SPOCK1: variants seen among roughly 807,000 people sequenced by gnomAD.
The protein encoded by SPOCK1 is testican-1.
SPOCK1 carries 23 observed loss-of-function variants against 55.3 expected under a neutral mutation model. That is an observed-to-expected ratio of 0.42 (90% CI 0.30 to 0.59). SPOCK1 has a LOEUF of 0.59. Ranked by LOEUF, SPOCK1 falls within the 20% of genes least tolerant of loss-of-function variation. The pLI is 0.22. For synonymous variants in SPOCK1, 226 were observed against 221.0 expected, an observed-to-expected ratio of 1.02 and a Z score of -0.20; for missense variants, 499 against 552.5, an observed-to-expected ratio of 0.90 and a Z score of 0.97.
intron 4 of SPOCK1, 117 bp downstream of exon 4, chr5:137,140,463 G>A: frequency 1.4e-6 from 1 of 729,206 alleles, no homozygotes; most frequent in South Asian, 2.0e-5. Context: ...CATACAAATG[G>A]CGACCCTAAC....
intron 2 of SPOCK1, among the ~76,000 whole-genome samples, chr5:137,331,571 T>C (rs1000201498): frequency 6.6e-6 from 1 of 152,224 alleles, no homozygotes; most frequent in Non-Finnish European, 1.5e-5. Context: ...CAGCTTCTGA[T>C]GAGCCCTCTG....
intron 2 of SPOCK1, among the ~76,000 whole-genome samples, chr5:137,372,639 G>C (rs980371556): frequency 6.6e-6 from 1 of 152,218 alleles, no homozygotes; most frequent in African/African-American, 2.4e-5. Context: ...AGGGTAAAGA[G>C]AGTGTTAAAG....
chr5:137,332,415 A>G (rs1212991770), intron 2 of SPOCK1, among the ~76,000 whole-genome samples: 1 of 151,970 alleles, frequency 6.6e-6, no homozygotes, highest in Non-Finnish European at 1.5e-5. Flanking sequence ...TGCTTCATCC[A>G]CCATCTGCGC....
chr5:137,005,351 A>G (rs1364352755), intron 6 of SPOCK1, among the ~76,000 whole-genome samples: 7 of 151,998 alleles, frequency 4.6e-5, no homozygotes, highest in African/African-American at 1.7e-4. Context: ...TGGCAAGTTG[A>G]TTTTTAAAGT....
intron 2 of SPOCK1, among the ~76,000 whole-genome samples, chr5:137,449,823 C>CT (rs2149834363): frequency 7.2e-6 from 1 of 138,350 alleles, no homozygotes; most frequent in East Asian, 2.2e-4. Context: ...TGAGCCCAGG[C>CT]TGTAGTGAGC....
chr5:137,375,206 T>G (rs1200727466), intron 2 of SPOCK1, among the ~76,000 whole-genome samples: 1 of 152,102 alleles, frequency 6.6e-6, no homozygotes, highest in South Asian at 2.1e-4. Context: ...ACAGAACAGA[T>G]AAACTGTAGT....
chr5:137,319,466 T>C (rs1236392628), intron 2 of SPOCK1, among the ~76,000 whole-genome samples: 1 of 152,216 alleles, frequency 6.6e-6, no homozygotes, highest in Non-Finnish European at 1.5e-5. Context: ...GCAAGTCCTT[T>C]TAATACTTGT....
chr5:137,486,367 G>T (rs1238279470), intron 2 of SPOCK1, among the ~76,000 whole-genome samples: 1 of 152,224 alleles, frequency 6.6e-6, no homozygotes, highest in Non-Finnish European at 1.5e-5. Context: ...CGCCAGAACT[G>T]CTCTGGGCCA....
intron 3 of SPOCK1, among the ~76,000 whole-genome samples, chr5:137,225,608 G>A (rs1258134932): frequency 2.0e-5 from 3 of 152,120 alleles, no homozygotes; most frequent in Non-Finnish European, 2.9e-5. Flanking sequence ...CATGCCACAC[G>A]ATGCCTCGAC....
At chr5:137,170,402 G>A (rs1217323223) in intron 3 of SPOCK1, among the ~76,000 whole-genome samples, 1 of 152,146 alleles carries the variant, frequency 6.6e-6, no homozygotes, top group Non-Finnish European at 1.5e-5. Context: ...AATGAAGCAG[G>A]TACTGCTATG....
At chr5:137,471,723 C>A (rs933938543) in intron 2 of SPOCK1, among the ~76,000 whole-genome samples, 1 of 152,142 alleles carries the variant, frequency 6.6e-6, no homozygotes, top group Non-Finnish European at 1.5e-5. Context: ...ATCAGACCCA[C>A]GGCAAAGTGC....
intron 2 of SPOCK1, among the ~76,000 whole-genome samples, chr5:137,302,373 T>G (rs1413223297): frequency 4.1e-5 from 6 of 147,612 alleles, no homozygotes; most frequent in Admixed American, 2.1e-4. Context: ...ATTGAGACCA[T>G]CCTGGCCAAC....
chr5:137,371,956 A>C (rs1044542337), intron 2 of SPOCK1, among the ~76,000 whole-genome samples: 1 of 152,236 alleles, frequency 6.6e-6, no homozygotes, highest in African/African-American at 2.4e-5. Flanking sequence ...ATATAATTTG[A>C]ATTTCTGGCG....
intron 2 of SPOCK1, among the ~76,000 whole-genome samples, chr5:137,423,505 C>G (rs879389995): frequency 6.6e-6 from 1 of 152,200 alleles, no homozygotes; most frequent in Non-Finnish European, 1.5e-5. Context: ...CCCCCAGCCT[C>G]GCTGCTGCCT....
intron 2 of SPOCK1, among the ~76,000 whole-genome samples, chr5:137,364,625 C>T (rs946619011): frequency 6.6e-6 from 1 of 152,176 alleles, no homozygotes; most frequent in Non-Finnish European, 1.5e-5. Flanking sequence ...GCCCATTTCC[C>T]TAACAAACAA....
rs869252723 is a variant in SPOCK1 at position 137,131,989 on chromosome 5, A to AATAT, written c.347+8587_347+8590dup. Among the ~76,000 whole-genome samples, 121 of 35,996 alleles carry AATAT rather than the reference A, an allele frequency of 3.4e-3. 4 individuals carry two copies. Among genetic ancestry groups the AATAT allele is most frequent in the African/African-American group, 0.012 (63 of 5,396 alleles). The allele number at this position is 35,996 out of a possible 152,430, so 23.6% of individuals were successfully genotyped here. Reference sequence around the variant, plus strand: ...TCCGTCTCAAAAAAAAAAAAAAAAAAATATATATATATATATATATATATA... The same window carrying AATAT: ...TCCGTCTCAAAAAAAAAAAAAAAAAAATATATATATATATATATATATATATATA... On this transcript the variant is annotated intron_variant, in intron 4 of 10. Coordinates refer to ENST00000394945, the MANE Select transcript of SPOCK1 (RefSeq NM_004598.4).
chr5:136,982,982 A>ATCTT (rs1266668432), intron 9 of SPOCK1, among the ~76,000 whole-genome samples: 2 of 152,226 alleles, frequency 1.3e-5, no homozygotes, highest in South Asian at 2.1e-4. Context: ...ACTGTGGGTA[A>ATCTT]TCTTTATTTA....
chr5:137,128,064 A>G (rs1480107198), intron 4 of SPOCK1, among the ~76,000 whole-genome samples: 8 of 152,228 alleles, frequency 5.3e-5, no homozygotes, highest in Admixed American at 4.6e-4. Context: ...GCCTTTGGAC[A>G]GTAATTAGGT....
intron 3 of SPOCK1, among the ~76,000 whole-genome samples, chr5:137,143,663 T>C (rs1188082528): frequency 6.6e-6 from 1 of 152,210 alleles, no homozygotes; most frequent in African/African-American, 2.4e-5. Context: ...TTTATTAAGT[T>C]TTTTGTGTTT....
Sources: gnomAD v4.1 joint callset for allele counts (sites outside exome capture counted in the v4.1 genomes callset) on GRCh38, gnomAD v4.1.1 for gene constraint, MANE v1.5 for transcripts, NCBI Gene and HGNC (gene_info 2026-07-23, HGNC 2026-07-21) for gene names.